SPAG16: variants seen among roughly 807,000 people sequenced by gnomAD.
SPAG16 encodes the protein sperm associated antigen 16.
Under a neutral mutation model 80.4 loss-of-function variants are expected in SPAG16, and 86 were observed. The ratio of observed to expected loss-of-function variants is 1.07; its 90% CI spans 0.90 to 1.28. The LOEUF is 1.28. SPAG16 is among the 50% of genes most tolerant of loss of function. The pLI, the probability that SPAG16 is intolerant of heterozygous loss-of-function variation, is 0.00. For synonymous variants in SPAG16, 294 were observed against 265.9 expected (o/e 1.11, Z -1.03); for missense variants, 870 against 765.3 (o/e 1.14, Z -1.61).
chr2:213,786,609 T>A (rs1370740166), intron 10 of SPAG16, among the ~76,000 whole-genome samples: 1 of 152,176 alleles, frequency 6.6e-6, no homozygotes, highest in Admixed American at 6.5e-5. Context: ...TGACAAACAC[T>A]TTGTGGCCTC....
At chr2:213,379,112 C>A (rs1421467274) in intron 9 of SPAG16, among the ~76,000 whole-genome samples, 1 of 152,156 alleles carries the variant, frequency 6.6e-6, no homozygotes, top group Non-Finnish European at 1.5e-5. Context: ...CAGCGTTCCT[C>A]CCTCTGGAAC....
chr2:213,596,536 A>G (rs2060890034), intron 10 of SPAG16, among the ~76,000 whole-genome samples: 2 of 152,174 alleles, frequency 1.3e-5, no homozygotes, highest in Non-Finnish European at 1.5e-5. Context: ...ACATTTAAGA[A>G]TATGATTAAA....
chr2:213,508,841 G>T (rs949568471), intron 10 of SPAG16, among the ~76,000 whole-genome samples: 2 of 151,348 alleles, frequency 1.3e-5, no homozygotes, highest in Non-Finnish European at 2.9e-5. Flanking sequence ...TGGGTGCAGC[G>T]CACCAACATG....
At chr2:213,428,040 G>A (rs1411460287) in intron 9 of SPAG16, among the ~76,000 whole-genome samples, 2 of 152,106 alleles carry the variant, frequency 1.3e-5, no homozygotes, top group South Asian at 4.1e-4. Flanking sequence ...CAGAGTAGAG[G>A]GTTTTCTAGA....
chr2:213,926,639 G>A (rs2078492673), intron 11 of SPAG16, among the ~76,000 whole-genome samples: 1 of 150,646 alleles, frequency 6.6e-6, no homozygotes, highest in Non-Finnish European at 1.5e-5. Flanking sequence ...TTTCAGATTT[G>A]CAGATTCATG....
chr2:213,664,438 A>C (rs929552559), intron 10 of SPAG16, among the ~76,000 whole-genome samples: 1 of 152,124 alleles, frequency 6.6e-6, no homozygotes, highest in East Asian at 1.9e-4. Context: ...GGCGTTATTA[A>C]TAATTATTTC....
At chr2:213,418,284 C>T (rs1444696452) in intron 9 of SPAG16, among the ~76,000 whole-genome samples, 2 of 152,152 alleles carry the variant, frequency 1.3e-5, no homozygotes, top group African/African-American at 2.4e-5. Flanking sequence ...TATATGCACA[C>T]ATGTACACTT....
intron 10 of SPAG16, among the ~76,000 whole-genome samples, chr2:213,780,571 C>CTTTTT (rs367744311): frequency 1.7e-4 from 21 of 124,564 alleles, no homozygotes; most frequent in South Asian, 5.2e-4. Context: ...TCTTTTCTTT[C>CTTTTT]TTTTTTTTTT....
chr2:213,548,664 T>G (rs2076692360), intron 10 of SPAG16, among the ~76,000 whole-genome samples: 1 of 152,202 alleles, frequency 6.6e-6, no homozygotes, highest in South Asian at 2.1e-4. Flanking sequence ...CTGTAGATTT[T>G]CTGTTCATAT....
intron 9 of SPAG16, among the ~76,000 whole-genome samples, chr2:213,407,334 A>C (rs377580944): frequency 6.6e-6 from 1 of 151,732 alleles, no homozygotes; most frequent in African/African-American, 2.4e-5. Flanking sequence ...TGAGCCTTCC[A>C]GGGCAAGCAA....
chr2:213,765,489 C>A (rs140660080), intron 10 of SPAG16, among the ~76,000 whole-genome samples: 3 of 152,192 alleles, frequency 2.0e-5, no homozygotes, highest in Admixed American at 6.5e-5. Flanking sequence ...GGAATGCCTT[C>A]TATGTCCTCT....
chr2:213,529,854 AT>A (rs1305902934), intron 10 of SPAG16, among the ~76,000 whole-genome samples: 3 of 152,172 alleles, frequency 2.0e-5, no homozygotes, highest in South Asian at 2.1e-4. Context: ...TTCTTTAGAC[AT>A]TTTTTTCTAT....
At chr2:213,680,043 C>T (rs976065044) in intron 10 of SPAG16, among the ~76,000 whole-genome samples, 2 of 151,952 alleles carry the variant, frequency 1.3e-5, no homozygotes, top group African/African-American at 4.8e-5. Flanking sequence ...AAAGAGGATA[C>T]AGCACACCAC....
chr2:213,711,317 A>G (rs2065975653), intron 10 of SPAG16, among the ~76,000 whole-genome samples: 1 of 152,092 alleles, frequency 6.6e-6, no homozygotes, highest in Non-Finnish European at 1.5e-5. Flanking sequence ...ATAAAATATC[A>G]ATATCTAAAG....
At chr2:213,993,254 A>G (rs1230441285) in intron 12 of SPAG16, among the ~76,000 whole-genome samples, 4 of 152,226 alleles carry the variant, frequency 2.6e-5, no homozygotes, top group East Asian at 1.9e-4. Flanking sequence ...ATTGCCTGAC[A>G]TAATTCACCC....
chr2:214,305,053 T>G (rs564550714), intron 15 of SPAG16, among the ~76,000 whole-genome samples: 1 of 152,342 alleles, frequency 6.6e-6, no homozygotes, highest in East Asian at 1.9e-4. Context: ...TATTTGACTT[T>G]TCAATCATAG....
chr2:213,657,384 G>C (rs984637971), intron 10 of SPAG16, among the ~76,000 whole-genome samples: 2 of 151,978 alleles, frequency 1.3e-5, no homozygotes, highest in Admixed American at 1.3e-4. Context: ...CATAAGAAGC[G>C]CTCCTTGAGC....
intron 10 of SPAG16, among the ~76,000 whole-genome samples, chr2:213,511,097 A>C (rs1330465006): frequency 2.0e-5 from 3 of 152,190 alleles, no homozygotes; most frequent in Non-Finnish European, 4.4e-5. Context: ...GTAAAATATT[A>C]ATATAAAGTT....
chr2:213,419,412 A>G (rs540297449), intron 9 of SPAG16, among the ~76,000 whole-genome samples: 1 of 152,222 alleles, frequency 6.6e-6, no homozygotes, highest in East Asian at 1.9e-4. Context: ...TAATATGCTC[A>G]TACAGAAGGT....
Sources: allele counts gnomAD v4.1 joint callset (sites outside exome capture counted in the v4.1 genomes callset), GRCh38; gene constraint gnomAD v4.1.1; transcripts MANE v1.5; gene names NCBI Gene and HGNC (gene_info 2026-07-23, HGNC 2026-07-21).